The following SERPINI1 variants were observed in gnomAD, a reference collection of about 807,000 sequenced individuals.
The protein encoded by SERPINI1 is neuroserpin.
Under a neutral mutation model 41.1 loss-of-function variants are expected in SERPINI1, and 19 were observed. The ratio of observed to expected loss-of-function variants is 0.46; its 90% CI spans 0.32 to 0.68. The LOEUF is 0.68. SERPINI1 is among the 30% of genes least tolerant of loss of function. The pLI, the probability that SERPINI1 is intolerant of heterozygous loss-of-function variation, is 0.03. For missense variants in SERPINI1, 460 were observed against 479.2 expected (o/e 0.96, Z 0.37); for synonymous variants, 138 against 156.6 (o/e 0.88, Z 0.89).
At chr3:167,754,530 T>A (rs1726139118) in intron 1 of SERPINI1, among the ~76,000 whole-genome samples, 1 of 152,224 alleles carries the variant, frequency 6.6e-6, no homozygotes, top group African/African-American at 2.4e-5. Context: ...ATTCTAAATG[T>A]CAACAAAGAA....
intron 1 of SERPINI1, among the ~76,000 whole-genome samples, chr3:167,746,028 A>AC (rs1725853510): frequency 6.6e-6 from 1 of 152,154 alleles, no homozygotes. Context: ...AATGTCAGCC[A>AC]CTTTTTTTGC....
At chr3:167,772,478 T>A (rs79197310) in intron 1 of SERPINI1, among the ~76,000 whole-genome samples, 1 of 152,152 alleles carries the variant, frequency 6.6e-6, no homozygotes, top group South Asian at 2.1e-4. Context: ...CTTTTCTTAT[T>A]GGGATTTTAA....
chr3:167,803,373 C>A (rs1711516789), intron 5 of SERPINI1, among the ~76,000 whole-genome samples: 1 of 152,006 alleles, frequency 6.6e-6, no homozygotes, highest in South Asian at 2.1e-4. Flanking sequence ...GCTATTTAAT[C>A]AAATTACACC....
intron 1 of SERPINI1, among the ~76,000 whole-genome samples, chr3:167,755,794 ATTT>A (rs34182780): frequency 8.4e-6 from 1 of 119,200 alleles, no homozygotes. Context: ...GGTGTTGCTG[ATTT>A]TTTTTTTTTT....
chr3:167,739,852 AT>A (rs2108528109), intron 1 of SERPINI1, among the ~76,000 whole-genome samples: 1 of 152,222 alleles, frequency 6.6e-6, no homozygotes, highest in Non-Finnish European at 1.5e-5. Context: ...ATCTAATGTA[AT>A]TTTTACTTCA....
At chr3:167,759,400 G>GTGTATGTATGTATATATA (rs964402772) in intron 1 of SERPINI1, among the ~76,000 whole-genome samples, 7 of 121,118 alleles carry the variant, frequency 5.8e-5, no homozygotes, top group African/African-American at 2.1e-4. Flanking sequence ...AGAAAATGTG[G>GTGTATGTATGTATATATA]TATATATATA....
At chr3:167,751,636 G>A (rs1291842950) in intron 1 of SERPINI1, among the ~76,000 whole-genome samples, 1 of 152,064 alleles carries the variant, frequency 6.6e-6, no homozygotes, top group Non-Finnish European at 1.5e-5. Context: ...TGAGGTTATC[G>A]ACACAAATGG....
At chr3:167,771,565 C>T (rs1242201965) in intron 1 of SERPINI1, among the ~76,000 whole-genome samples, 1 of 152,126 alleles carries the variant, frequency 6.6e-6, no homozygotes, top group East Asian at 1.9e-4. Context: ...AGAATCTTCA[C>T]TATATACCTT....
intron 1 of SERPINI1, among the ~76,000 whole-genome samples, chr3:167,786,175 C>CCAGTCCT (rs1372335953): frequency 6.6e-6 from 1 of 152,158 alleles, no homozygotes; most frequent in African/African-American, 2.4e-5. Context: ...ACCTGCCTTT[C>CCAGTCCT]CAGTCCTTGG....
chr3:167,759,034 C>G (rs1726284832), intron 1 of SERPINI1, among the ~76,000 whole-genome samples: 1 of 152,082 alleles, frequency 6.6e-6, no homozygotes, highest in African/African-American at 2.4e-5. Context: ...GAAATAGATT[C>G]CAGTTGTTTC....
intron 6 of SERPINI1, among the ~76,000 whole-genome samples, chr3:167,822,528 C>A (rs1712369550): frequency 6.6e-6 from 1 of 151,956 alleles, no homozygotes; most frequent in Non-Finnish European, 1.5e-5. Context: ...TTTCATTTTT[C>A]TTTGCCAAGG....
intron 1 of SERPINI1, among the ~76,000 whole-genome samples, chr3:167,762,453 C>G (rs1726418500): frequency 6.6e-6 from 1 of 152,134 alleles, no homozygotes; most frequent in Non-Finnish European, 1.5e-5. Context: ...GTTTTCTTTG[C>G]TCAGTTTCTA....
chr3:167,809,806 T>C (rs1258726910), intron 6 of SERPINI1, among the ~76,000 whole-genome samples: 2 of 152,148 alleles, frequency 1.3e-5, no homozygotes, highest in Admixed American at 6.6e-5. Flanking sequence ...ACAAGAGGTT[T>C]ATTTGGCCCC....
intron 1 of SERPINI1, among the ~76,000 whole-genome samples, chr3:167,760,176 A>G (rs1049664686): frequency 6.6e-6 from 1 of 152,118 alleles, no homozygotes; most frequent in African/African-American, 2.4e-5. Context: ...GCCAGGTGAA[A>G]GGAATTAGGA....
chr3:167,777,717 G>A (rs1006036765), intron 1 of SERPINI1, among the ~76,000 whole-genome samples: 13 of 152,222 alleles, frequency 8.5e-5, no homozygotes, highest in Non-Finnish European at 1.8e-4. Flanking sequence ...TCTAGGGACT[G>A]TTGGCACTAC....
intron 1 of SERPINI1, among the ~76,000 whole-genome samples, chr3:167,760,006 T>A (rs969334923): frequency 6.6e-6 from 1 of 152,202 alleles, no homozygotes; most frequent in African/African-American, 2.4e-5. Context: ...GTCCTTAGTT[T>A]CCAATCTGTG....
At chr3:167,817,131 T>C (rs563962797) in intron 6 of SERPINI1, among the ~76,000 whole-genome samples, 1 of 152,186 alleles carries the variant, frequency 6.6e-6, no homozygotes, top group Admixed American at 6.5e-5. Context: ...GAGGAAGCTT[T>C]AAGGTGAACT....
At chr3:167,791,179 A>G (rs1380598433) in intron 3 of SERPINI1, among the ~76,000 whole-genome samples, 1 of 152,176 alleles carries the variant, frequency 6.6e-6, no homozygotes, top group African/African-American at 2.4e-5. Context: ...AGGGTTTCCA[A>G]ATGTTTCATA....
chr3:167,813,140 G>A (rs1320701554), intron 6 of SERPINI1, among the ~76,000 whole-genome samples: 2 of 152,232 alleles, frequency 1.3e-5, no homozygotes, highest in East Asian at 3.9e-4. Context: ...CTCTGCCCTT[G>A]TTTGTTCTCT....
Sources: allele counts gnomAD v4.1 joint callset (sites outside exome capture counted in the v4.1 genomes callset), GRCh38; gene constraint gnomAD v4.1.1; transcripts MANE v1.5; gene names NCBI Gene and HGNC (gene_info 2026-07-23, HGNC 2026-07-21).